ZDHHC14: variants seen among roughly 807,000 people sequenced by gnomAD.
ZDHHC14 encodes zDHHC palmitoyltransferase 14.
Under a neutral mutation model 47.7 loss-of-function variants are expected in ZDHHC14, and 16 were observed. The ratio of observed to expected loss-of-function variants is 0.34; its 90% confidence interval spans 0.23 to 0.51. ZDHHC14 has a LOEUF of 0.51. Among genes scored for constraint, ZDHHC14 ranks in the 20% least tolerant of loss-of-function variants. The pLI, the probability that ZDHHC14 is intolerant of heterozygous loss-of-function variation, is 0.97. For missense variants in ZDHHC14, 515 were observed against 662.5 expected (o/e 0.78, Z 2.44); for synonymous variants, 293 against 278.9 (o/e 1.05, Z -0.50).
rs1389034517 is a variant in ZDHHC14, at chr6:157,463,987, G to C, written c.246-78598G>C. On this transcript the variant is annotated intron_variant, in intron 1 of 8. Transcript: ENST00000359775. This position sits in a 1 kb window ranked among gnomAD's most constrained non-coding sequence, Gnocchi z 4.4. ...TTGCAGTGAGCTGAGATTGCATCAC[G>C]GCACTCCAGCCTGGGTGACAGAGCA... is the stretch of plus-strand genomic sequence containing the variant. 6.6e-6 allele frequency among the ~76,000 whole-genome samples: 1 copy of C among 151,940 alleles called. No homozygotes were observed. The highest frequency in any genetic ancestry group is 1.5e-5 in the Non-Finnish European group (1 of 67,984).
At position 157,427,709 on chromosome 6, in the gene ZDHHC14, C is replaced by A. The variant is rs138431117; in HGVS notation, c.245+45443C>A. Among the ~76,000 whole-genome samples, 368 of 152,156 alleles carry A rather than the reference C, an allele frequency of 2.4e-3. No homozygotes were observed. The highest frequency in any genetic ancestry group is 8.4e-3 in the African/African-American group (350 of 41,502). On this transcript the variant is annotated intron_variant, in intron 1 of 8. Coordinates refer to ENST00000359775, the MANE Select transcript of ZDHHC14 (RefSeq NM_024630.3). This position sits in a 1 kb window ranked among gnomAD's most constrained non-coding sequence, Gnocchi z 4.4. Reference sequence around the variant, plus strand: ...GCTTGGATTTTCTTTTCAGAAATGGCAGATGCGCTAGGGCTGTTCCTCCTG... The same window carrying A: ...GCTTGGATTTTCTTTTCAGAAATGGAAGATGCGCTAGGGCTGTTCCTCCTG...
chr6:157,524,245 CAGTCTCTTG>C (rs1260284919), intron 1 of ZDHHC14, among the ~76,000 whole-genome samples: 1 of 152,042 alleles, frequency 6.6e-6, no homozygotes, highest in Non-Finnish European at 1.5e-5. Flanking sequence ...TCTCCTGCCT[CAGTCTCTTG>C]AGTACGGTAC....
At chr6:157,465,229 T>G (rs1255695960) in intron 1 of ZDHHC14, among the ~76,000 whole-genome samples, 1 of 152,050 alleles carries the variant, frequency 6.6e-6, no homozygotes, top group Non-Finnish European at 1.5e-5. Context: ...GTTGTGCCAT[T>G]ACATTTTAGA....
chr6:157,499,236 C>T (rs1780139020), intron 1 of ZDHHC14, among the ~76,000 whole-genome samples: 5 of 152,072 alleles, frequency 3.3e-5, no homozygotes, highest in Admixed American at 3.3e-4. Flanking sequence ...GCAAAATACC[C>T]TAGATTGGGT....
intron 5 of ZDHHC14, among the ~76,000 whole-genome samples, chr6:157,640,000 C>T (rs984883366): frequency 2.0e-5 from 3 of 152,164 alleles, no homozygotes. Flanking sequence ...GTCGCAGCCT[C>T]ATAGGAAATG....
At position 157,502,791 on chromosome 6, in the gene ZDHHC14, A is replaced by G. The variant is rs1479464208; in HGVS notation, c.246-39794A>G. Among the ~76,000 whole-genome samples, 1 of 152,116 alleles carries G rather than the reference A, an allele frequency of 6.6e-6. No homozygotes were observed. The highest frequency in any genetic ancestry group is 1.5e-5 in the Non-Finnish European group (1 of 68,016). On this transcript the variant is annotated intron_variant, in intron 1 of 8. Coordinates refer to ENST00000359775, the MANE Select transcript of ZDHHC14 (RefSeq NM_024630.3). The surrounding 1 kb of genome is among the most constrained non-coding windows in gnomAD (Gnocchi z 4.0). Reference sequence around the variant, plus strand: ...CTGCAACCTCCGCCTCCCAGGTTCAAGCGATTCTCCTGGCTCAGCCTCTCA... The same window carrying G: ...CTGCAACCTCCGCCTCCCAGGTTCAGGCGATTCTCCTGGCTCAGCCTCTCA...
chr6:157,671,978 ACT>A (rs1778818143), intron 8 of ZDHHC14, among the ~76,000 whole-genome samples: 3 of 152,104 alleles, frequency 2.0e-5, no homozygotes, highest in African/African-American at 7.2e-5. Context: ...CATGGCTGGA[ACT>A]CTGCATGCCT....
At chr6:157,401,945 G>GA (rs1777648557) in intron 1 of ZDHHC14, among the ~76,000 whole-genome samples, 1 of 149,294 alleles carries the variant, frequency 6.7e-6, no homozygotes, top group African/African-American at 2.5e-5. Flanking sequence ...TGCACCTGCT[G>GA]GGTCACAGCA....
chr6:157,493,768 G>A lies in ZDHHC14; in HGVS notation c.246-48817G>A, dbSNP rs558546936. On this transcript the variant is annotated intron_variant, in intron 1 of 8. Coordinates refer to ENST00000359775, the MANE Select transcript of ZDHHC14 (RefSeq NM_024630.3). ...GCTTCGTGTCTGCGCACCCAGGTCCGCCGTCCTGTCTGGGAAGTAGGCCGG... is the reference window on the plus strand; with the variant it reads ...GCTTCGTGTCTGCGCACCCAGGTCCACCGTCCTGTCTGGGAAGTAGGCCGG... Among the ~76,000 whole-genome samples the A allele has an allele frequency of 5.3e-5, 8 of 152,350 alleles. No individual in the cohort carries two copies. In the East Asian group the frequency reaches 1.2e-3, roughly 22 times the overall value.
chr6:157,490,029 T>C (rs138403460), intron 1 of ZDHHC14, among the ~76,000 whole-genome samples: 339 of 152,192 alleles, frequency 2.2e-3, no homozygotes, highest in Non-Finnish European at 3.7e-3. Flanking sequence ...TGGAATCTTC[T>C]GATGTTGGTG....
intron 1 of ZDHHC14, among the ~76,000 whole-genome samples, chr6:157,446,834 A>T (rs1014118775): frequency 6.6e-6 from 1 of 152,138 alleles, no homozygotes; most frequent in African/African-American, 2.4e-5. Context: ...ATGCACATTT[A>T]TAGGCTGGGC....
At position 157,498,569 on chromosome 6, in the gene ZDHHC14, ATAT is replaced by A. The variant is rs1780124419; in HGVS notation, c.246-44009_246-44007del. ...CAGAACAGTAGGTACTGTTAGACAG[ATAT>A]TATTATCATTGCACTGATATTATTA... On this transcript the variant is annotated intron_variant, in intron 1 of 8. Transcript: ENST00000359775. Among the ~76,000 whole-genome samples the A allele has an allele frequency of 2.6e-5, 4 of 152,308 alleles. No homozygotes were observed. In the South Asian group the frequency reaches 6.2e-4, roughly 24 times the overall value.
At chr6:157,603,136 A>G (rs1241475956) in intron 3 of ZDHHC14, among the ~76,000 whole-genome samples, 1 of 152,186 alleles carries the variant, frequency 6.6e-6, no homozygotes, top group Non-Finnish European at 1.5e-5. Context: ...AGGGCTGGAC[A>G]TGGAGAGTCA....
chr6:157,407,887 C>A (rs1365519273), intron 1 of ZDHHC14, among the ~76,000 whole-genome samples: 1 of 152,194 alleles, frequency 6.6e-6, no homozygotes. Flanking sequence ...TTACCATGAA[C>A]TTCTCAGAAG....
chr6:157,480,274 C>CTT (rs368547618), intron 1 of ZDHHC14, among the ~76,000 whole-genome samples: 1,963 of 99,788 alleles, frequency 0.02, 20 homozygotes, highest in Non-Finnish European at 0.03. Context: ...TTTTTTTTTG[C>CTT]TTTTTTTTTT....
At chr6:157,480,481 G>A (rs1779600739) in intron 1 of ZDHHC14, among the ~76,000 whole-genome samples, 1 of 152,118 alleles carries the variant, frequency 6.6e-6, no homozygotes, top group Non-Finnish European at 1.5e-5. Flanking sequence ...TGGCCAGGCT[G>A]GTCTTGAACT....
intron 1 of ZDHHC14, among the ~76,000 whole-genome samples, chr6:157,517,404 G>A (rs572326490): frequency 5.0e-4 from 75 of 151,498 alleles, no homozygotes; most frequent in Admixed American, 2.3e-3. Context: ...TCCGCCTCCC[G>A]GGTTCAAGCG....
intron 1 of ZDHHC14, among the ~76,000 whole-genome samples, chr6:157,405,679 A>AT (rs1331280262): frequency 6.6e-6 from 1 of 152,186 alleles, no homozygotes; most frequent in East Asian, 1.9e-4. Flanking sequence ...ATCATGGTGC[A>AT]TTTTTGCATA....
chr6:157,396,347 G>T (rs1236948914), intron 1 of ZDHHC14, among the ~76,000 whole-genome samples: 2 of 152,100 alleles, frequency 1.3e-5, no homozygotes, highest in Non-Finnish European at 2.9e-5. Flanking sequence ...TATAATCAAA[G>T]CAATTTATCA....
Sources: gnomAD v4.1 joint callset for allele counts (sites outside exome capture counted in the v4.1 genomes callset) on GRCh38, gnomAD v4.1.1 for gene constraint, Gnocchi (gnomAD v3.1) non-coding constraint, MANE v1.5 for transcripts, NCBI Gene and HGNC (gene_info 2026-07-23, HGNC 2026-07-21) for gene names.